The following CSNK1G2 variants were observed in gnomAD, a reference collection of about 807,000 sequenced individuals.
CSNK1G2 encodes the protein casein kinase I isoform gamma-2.
A neutral mutation model predicts 48.0 loss-of-function variants in CSNK1G2; 11 were observed. The ratio of observed to expected loss-of-function variants is 0.23; its 90% confidence interval spans 0.14 to 0.38. The LOEUF (loss-of-function observed/expected upper bound fraction) is 0.38, where lower values mean the gene tolerates loss of function less well. Ranked by LOEUF, CSNK1G2 falls within the 10% of genes least tolerant of loss-of-function variation. CSNK1G2 has a pLI of 1.00. For missense variants in CSNK1G2, 446 were observed against 595.5 expected, an observed-to-expected ratio of 0.75 and a Z score of 2.61; for synonymous variants, 337 against 254.1, an observed-to-expected ratio of 1.33 and a Z score of -3.10.
Position 1,976,167 on chromosome 19 carries a change from T to C in CSNK1G2, c.188-2138T>C, listed in dbSNP as rs987491509. 1.0e-5 allele frequency: 12 copies of C among 1,162,158 alleles called. No homozygotes were observed. In the Admixed American group the frequency reaches 2.9e-4, roughly 28 times the overall value. The allele number at this position is 1,162,158 out of a possible 1,614,324, so 72.0% of individuals were successfully genotyped here. On this transcript the variant is annotated intron_variant, in intron 2 of 11. Coordinates refer to ENST00000255641, the MANE Select transcript of CSNK1G2 (RefSeq NM_001319.7). The stretch of plus-strand genomic sequence containing the variant: ...TGTTGGGTGTTTGGGGCACGGCTCC[T>C]GTTGTTTTACGAGGAGAATTTCCTA...
intron 10 of CSNK1G2, 27 bp downstream of exon 10, chr19:1,979,862 C>T (rs775164416): frequency 1.2e-6 from 2 of 1,603,522 alleles, no homozygotes; most frequent in South Asian, 2.2e-5. Flanking sequence ...ACCGACCGCC[C>T]CAGGGAGGGG....
At position 1,979,147 on chromosome 19, in the gene CSNK1G2, G is replaced by A. The variant is rs751538407; in HGVS notation, c.683-16G>A. 4 of 1,535,116 alleles carry A rather than the reference G, an allele frequency of 2.6e-6. No homozygotes were observed. The highest frequency in any genetic ancestry group is 2.4e-5 in the East Asian group (1 of 42,298). ...GGCGCCCGGACCCCGCTGAGGCTGC[G>A]CCCCTGTCCCCGCAGAGCAGAGCCG... On this transcript the variant is annotated splice_polypyrimidine_tract_variant and intron_variant, in intron 6 of 11. Coordinates refer to ENST00000255641, the MANE Select transcript of CSNK1G2 (RefSeq NM_001319.7).
At chr19:1,954,020 G>T (rs1361847329) in intron 1 of CSNK1G2, 6 of 532,414 alleles carry the variant, frequency 1.1e-5, no homozygotes, top group Non-Finnish European at 2.3e-5. Flanking sequence ...GTGCTCCGAG[G>T]ACCGGCCCTG....
At chr19:1,966,490 G>A (rs533836126) in intron 1 of CSNK1G2, among the ~76,000 whole-genome samples, 15 of 152,222 alleles carry the variant, frequency 9.9e-5, no homozygotes, top group Admixed American at 6.5e-4. Context: ...AGTTGCTTCA[G>A]TTGCGCTCTA....
intron 1 of CSNK1G2, among the ~76,000 whole-genome samples, chr19:1,946,289 T>TATTTATTA (rs56098852): frequency 8.2e-4 from 118 of 143,868 alleles, no homozygotes; most frequent in Middle Eastern, 3.7e-3. Context: ...TTTATTTATT[T>TATTTATTA]TTTATTTATT....
At chr19:1,945,633 C>G (rs1324762298) in intron 1 of CSNK1G2, among the ~76,000 whole-genome samples, 1 of 152,126 alleles carries the variant, frequency 6.6e-6, no homozygotes, top group East Asian at 1.9e-4. Context: ...ACTAGTCTGG[C>G]CAACATGGCA....
intron 2 of CSNK1G2, among the ~76,000 whole-genome samples, chr19:1,977,366 GC>G (rs1467462816): frequency 6.6e-6 from 1 of 152,196 alleles, no homozygotes; most frequent in African/African-American, 2.4e-5. Context: ...GTGGGGCCGT[GC>G]CCCCTCCCAG....
Position 1,978,628 on chromosome 19 carries a change from G to A in CSNK1G2, c.325G>A (p.Gly109Ser), listed in dbSNP as rs1193300614. 3 of 1,603,608 alleles carry A rather than the reference G, an allele frequency of 1.9e-6. No homozygotes were observed. The highest frequency in any genetic ancestry group is 2.6e-6 in the Non-Finnish European group (3 of 1,175,712). The change falls in exon 5 of 12, where the codon GGT (glycine) becomes AGT (serine). Residue 109 changes from glycine to serine, a missense_variant. By Grantham distance (56) the Gly-to-Ser change is moderately conservative (BLOSUM62 0). This residue lies in a region of CSNK1G2 where 258 missense variants were observed against 415.9 expected (regional missense o/e 0.62). Coordinates refer to ENST00000255641, the MANE Select transcript of CSNK1G2 (RefSeq NM_001319.7). This position sits in a 1 kb window ranked among gnomAD's most constrained non-coding sequence, Gnocchi z 7.3. ...TEGVPQVYYF[G>S]PCGKYNAMVL... Reference sequence around the variant, plus strand: ...GGGCGTCCCTCAGGTCTACTACTTCGGTCCGTGCGGGAAGTACAACGCCAT... The same window carrying A: ...GGGCGTCCCTCAGGTCTACTACTTCAGTCCGTGCGGGAAGTACAACGCCAT...
chr19:1,978,897 C>A lies in CSNK1G2; in HGVS notation c.486C>A (p.Ile162=). ...AGTATGTGCACACCAAGAGCCTAAT[C>A]TACCGGGACGTGAAGCCCGAGAACT... ...RMEYVHTKSL[I]YRDVKPENFL... is the part of the protein sequence containing the mutation. The change falls in exon 6 of 12, where the codon ATC becomes ATA. Residue 162 remains isoleucine (I), a synonymous_variant. Transcript: ENST00000255641. This position sits in a 1 kb window ranked among gnomAD's most constrained non-coding sequence, Gnocchi z 7.3. 1 of 1,603,180 alleles carries A rather than the reference C, an allele frequency of 6.2e-7. No individual in the cohort carries two copies. The highest frequency in any genetic ancestry group is 8.5e-7 in the Non-Finnish European group (1 of 1,179,576).
rs1282713371 is a variant in CSNK1G2 at position 1,979,026 on chromosome 19, G to A, written c.615G>A (p.Pro205=). 5 of 1,598,302 alleles carry A rather than the reference G, an allele frequency of 3.1e-6. No homozygotes were observed. The highest frequency in any genetic ancestry group is 2.2e-5 in the East Asian group (1 of 44,798). ...ACCCCGAGACCAAGAAGCACATCCC[G>A]TACCGCGAGCACAAGAGCCTGACGG... The part of the protein sequence containing the change: ...YIDPETKKHI[P]YREHKSLTGT... Residue 205 remains proline (P), a synonymous_variant, in exon 6 of 12, where the codon CCG becomes CCA. Transcript: ENST00000255641.
At chr19:1,944,633 C>G (rs2014487121) in intron 1 of CSNK1G2, among the ~76,000 whole-genome samples, 1 of 149,126 alleles carries the variant, frequency 6.7e-6, no homozygotes, top group African/African-American at 2.5e-5. Flanking sequence ...CGCCCTGTGA[C>G]TGGCACGTGG....
At chr19:1,956,959 A>G (rs552739410) in intron 1 of CSNK1G2, among the ~76,000 whole-genome samples, 3 of 152,338 alleles carry the variant, frequency 2.0e-5, no homozygotes, top group Admixed American at 6.5e-5. Context: ...GGAACTGACC[A>G]AGCCAATGGC....
intron 1 of CSNK1G2, among the ~76,000 whole-genome samples, chr19:1,963,488 A>C (rs1219418388): frequency 6.6e-6 from 1 of 152,088 alleles, no homozygotes; most frequent in Admixed American, 6.6e-5. Flanking sequence ...CTGAGATTAC[A>C]GGCATGAGCC....
intron 1 of CSNK1G2, among the ~76,000 whole-genome samples, chr19:1,965,396 AAG>A (rs2015336131): frequency 6.6e-6 from 1 of 151,766 alleles, no homozygotes; most frequent in Non-Finnish European, 1.5e-5. Context: ...AAAAAAAAAA[AAG>A]ATCATTGTTT....
chr19:1,976,992 G>A (rs1240973095), intron 2 of CSNK1G2, among the ~76,000 whole-genome samples: 1 of 152,188 alleles, frequency 6.6e-6, no homozygotes, highest in African/African-American at 2.4e-5. Flanking sequence ...GCCTGCGTCA[G>A]CCTCCCAAAG....
chr19:1,953,342 T>C (rs1157068954), intron 1 of CSNK1G2: 1 of 530,932 alleles, frequency 1.9e-6, no homozygotes, highest in Non-Finnish European at 3.9e-6. Flanking sequence ...AGGGTTGCTG[T>C]GGGGGCCTGT....
chr19:1,978,308 A>T lies in CSNK1G2; in HGVS notation c.191A>T (p.Lys64Met). 2.5e-6 allele frequency: 4 copies of T among 1,613,526 alleles called. No homozygotes were observed. The highest frequency in any genetic ancestry group is 3.4e-6 in the Non-Finnish European group (4 of 1,179,868). ...CTGATGGTCTCTGTCCCCGCAGGAA[A>T]GAATCTCTATACAAATGAATACGTG... ...CGNFGELRLG[K>M]NLYTNEYVAI... Residue 64 changes from lysine to methionine, a missense_variant, in exon 3 of 12, where the codon AAG becomes ATG. By Grantham distance (95) the Lys-to-Met change is moderately conservative (BLOSUM62 -1). Coordinates refer to ENST00000255641, the MANE Select transcript of CSNK1G2 (RefSeq NM_001319.7). The surrounding 1 kb of genome is among the most constrained non-coding windows in gnomAD (Gnocchi z 7.3).
chr19:1,963,378 AT>A (rs1230570986), intron 1 of CSNK1G2, among the ~76,000 whole-genome samples: 1 of 148,682 alleles, frequency 6.7e-6, no homozygotes, highest in Non-Finnish European at 1.5e-5. Flanking sequence ...TGCCTGGCTA[AT>A]TTTTTTGTAT....
At chr19:1,962,720 C>T (rs1321279096) in intron 1 of CSNK1G2, among the ~76,000 whole-genome samples, 1 of 152,018 alleles carries the variant, frequency 6.6e-6, no homozygotes, top group Non-Finnish European at 1.5e-5. Context: ...GTCAGACCCC[C>T]GGGAGCGGCA....
Sources: allele counts gnomAD v4.1 joint callset (sites outside exome capture counted in the v4.1 genomes callset), GRCh38; gene constraint gnomAD v4.1.1; regional missense constraint gnomAD v4.1.1; non-coding constraint Gnocchi (gnomAD v3.1); transcripts MANE v1.5; gene names NCBI Gene and HGNC (gene_info 2026-07-23, HGNC 2026-07-21).